The following PCDHGA4 variants were observed in gnomAD, a reference collection of about 807,000 sequenced individuals.
PCDHGA4 encodes protocadherin gamma subfamily A, 4.
A neutral mutation model predicts 54.6 loss-of-function variants in PCDHGA4; 38 were observed. The observed-to-expected ratio is 0.70, with a 90% CI of 0.54 to 0.91. The LOEUF (loss-of-function observed/expected upper bound fraction) is 0.91. Ranked by LOEUF, PCDHGA4 falls within the 40% of genes least tolerant of loss-of-function variation. The pLI is 0.00. For synonymous variants in PCDHGA4, 511 were observed against 512.9 expected, an observed-to-expected ratio of 1.00 and a Z score of 0.05; for missense variants, 1,298 against 1,220.9, an observed-to-expected ratio of 1.06 and a Z score of -0.94.
intron 1 of PCDHGA4, chr5:141,371,175 G>A: frequency 3.1e-6 from 5 of 1,614,004 alleles, no homozygotes; most frequent in Non-Finnish European, 4.2e-6. Flanking sequence ...TGGCTCCTCC[G>A]TATTAAAAGT....
chr5:141,403,661 G>C (rs2094439419), intron 1 of PCDHGA4: 1 of 1,613,904 alleles, frequency 6.2e-7, no homozygotes, highest in Non-Finnish European at 8.5e-7. Context: ...GGATACAAAT[G>C]ATAATGCCCC....
chr5:141,409,953 CCGG>C (rs1418234891), intron 1 of PCDHGA4: 2 of 1,613,280 alleles, frequency 1.2e-6, no homozygotes, highest in Non-Finnish European at 1.7e-6. Flanking sequence ...TCTGCAGAGC[CCGG>C]CTACCTAGTG....
rs1413288410 is a variant in PCDHGA4 at position 141,392,726 on chromosome 5, T to C, written c.2514+35105T>C. On this transcript the variant is annotated intron_variant, in intron 1 of 3. Transcript: ENST00000571252. The stretch of plus-strand genomic sequence containing the variant: ...GGAGGCACTCCAGGTTTCCGGAGGA[T>C]TGTCATCTCCATAGCTGCGGCAAGA... 4.3e-6 allele frequency: 6 copies of C among 1,399,264 alleles called. No individual in the cohort carries two copies. The African/African-American group carries it at 8.7e-5, about 20-fold the overall frequency. 86.7% of individuals were successfully genotyped at this position (1,399,264 alleles called of 1,614,324 possible).
At chr5:141,375,540 A>C in intron 1 of PCDHGA4, 1 of 1,613,910 alleles carries the variant, frequency 6.2e-7, no homozygotes, top group Non-Finnish European at 8.5e-7. Flanking sequence ...CAGAACGCCC[A>C]AGTCTCCTAC....
chr5:141,451,216 A>G (rs1561943760), intron 1 of PCDHGA4, among the ~76,000 whole-genome samples: 1 of 152,204 alleles, frequency 6.6e-6, no homozygotes, highest in Non-Finnish European at 1.5e-5. Context: ...TTAGTGGCTT[A>G]AAAGAAGCAT....
At position 141,356,663 on chromosome 5, in the gene PCDHGA4, C is replaced by G. The variant is rs1181592244; in HGVS notation, c.1556C>G (p.Thr519Ser). The change falls in exon 1 of 4, where the codon ACT becomes AGT. Residue 519 changes from threonine to serine, a missense_variant. Transcript: ENST00000571252. ...GACAGTGGTGACAATGCCCGAATCA[C>G]TTACTCCCTGGCCGAAGACACCTTC... The part of the protein sequence containing the change: ...DPDSGDNARI[T>S]YSLAEDTFQG... 1 of 1,614,054 alleles carries G rather than the reference C, an allele frequency of 6.2e-7. No homozygotes were observed. Among genetic ancestry groups the G allele is most frequent in the Admixed American group, 1.7e-5 (1 of 60,028 alleles).
intron 1 of PCDHGA4, chr5:141,410,815 T>C: frequency 1.8e-6 from 1 of 553,722 alleles, no homozygotes; most frequent in Non-Finnish European, 2.9e-6. Context: ...TTTTGTAAAA[T>C]AATGTCACCA....
intron 1 of PCDHGA4, chr5:141,417,977 G>A (rs752463782): frequency 6.2e-7 from 1 of 1,613,872 alleles, no homozygotes; most frequent in Admixed American, 1.7e-5. Flanking sequence ...GATTCCGGAG[G>A]AGCTGGCCAA....
chr5:141,415,959 C>T, intron 1 of PCDHGA4: 3 of 443,810 alleles, frequency 6.8e-6, no homozygotes, highest in Non-Finnish European at 1.1e-5. Context: ...CATATTGAAA[C>T]TCCAGCCCCT....
intron 1 of PCDHGA4, chr5:141,399,866 C>G (rs1312435366): frequency 1.1e-5 from 17 of 1,612,854 alleles, no homozygotes; most frequent in Non-Finnish European, 1.4e-5. Context: ...GCTGCAGAGC[C>G]CGGCTACCTG....
intron 1 of PCDHGA4, chr5:141,408,518 T>G: frequency 6.2e-7 from 1 of 1,614,012 alleles, no homozygotes; most frequent in Non-Finnish European, 8.5e-7. Flanking sequence ...TGAGTTGCAA[T>G]TGGAAGCTGT....
At chr5:141,403,577 C>T (rs1188693688) in intron 1 of PCDHGA4, 2 of 1,613,812 alleles carry the variant, frequency 1.2e-6, no homozygotes, top group South Asian at 1.1e-5. Context: ...AACTGCCCAC[C>T]ACCTGGTCCT....
intron 1 of PCDHGA4, among the ~76,000 whole-genome samples, chr5:141,436,923 T>C (rs2097854286): frequency 6.6e-6 from 1 of 152,224 alleles, no homozygotes; most frequent in African/African-American, 2.4e-5. Flanking sequence ...GAGTGTTACT[T>C]TTTCTTTGTC....
At chr5:141,505,604 G>T (rs772730114) in intron 3 of PCDHGA4, 123 bp downstream of exon 3, 1 of 1,535,418 alleles carries the variant, frequency 6.5e-7, no homozygotes, top group Non-Finnish European at 8.8e-7. Flanking sequence ...CTTTCGGCAG[G>T]TCTGAAAGGA....
Position 141,357,104 on chromosome 5 carries a change from G to A in PCDHGA4, c.1997G>A (p.Arg666Lys). Residue 666 changes from arginine (R) to lysine (K), a missense_variant, in exon 1 of 4, where the codon AGA (arginine) becomes AAA (lysine). Coordinates refer to ENST00000571252, the MANE Select transcript of PCDHGA4 (RefSeq NM_018917.4). ...EVRTARALLD[R>K]DALKQRLVVV... The stretch of plus-strand genomic sequence containing the variant: ...CGCACCGCACGGGCCCTGCTGGACA[G>A]AGACGCGCTCAAGCAGAGGCTTGTA... The A allele has an allele frequency of 6.2e-7, 1 of 1,613,888 alleles. No homozygotes were observed. Among genetic ancestry groups the A allele is most frequent in the South Asian group, 1.1e-5 (1 of 91,082 alleles).
At chr5:141,418,536 C>G (rs1196331424) in intron 1 of PCDHGA4, 6 of 1,614,026 alleles carry the variant, frequency 3.7e-6, no homozygotes, top group South Asian at 1.1e-5. Flanking sequence ...AGCGGTACTG[C>G]TCAGATAAGA....
At chr5:141,387,936 T>G (rs200817766) in intron 1 of PCDHGA4, 31,224 of 1,475,552 alleles carry the variant, frequency 0.021, 381 homozygotes, top group Non-Finnish European at 0.026. Flanking sequence ...GCCAGTGCTC[T>G]TTCTCTTCCT....
intron 2 of PCDHGA4, among the ~76,000 whole-genome samples, chr5:141,501,802 C>T (rs2099811151): frequency 1.3e-5 from 2 of 152,154 alleles, no homozygotes; most frequent in Non-Finnish European, 2.9e-5. Context: ...ATCTCTTACC[C>T]AGCTTCACAT....
chr5:141,370,583 T>C lies in PCDHGA4; in HGVS notation c.2514+12962T>C, dbSNP rs376045764. 30 of 1,613,706 alleles carry C rather than the reference T, an allele frequency of 1.9e-5. No individual in the cohort carries two copies. In the African/African-American group the frequency reaches 3.6e-4, roughly 19 times the overall value. Reference sequence around the variant, plus strand: ...GGTTTGGCGTGGGGGATTTACCTACTAGGAACCTGCGGGTTATTGCAGAGA... The same window carrying C: ...GGTTTGGCGTGGGGGATTTACCTACCAGGAACCTGCGGGTTATTGCAGAGA... On this transcript the variant is annotated intron_variant, in intron 1 of 3. Coordinates refer to ENST00000571252, the MANE Select transcript of PCDHGA4 (RefSeq NM_018917.4).
Sources: allele counts gnomAD v4.1 joint callset (sites outside exome capture counted in the v4.1 genomes callset), GRCh38; gene constraint gnomAD v4.1.1; transcripts MANE v1.5; gene names NCBI Gene and HGNC (gene_info 2026-07-23, HGNC 2026-07-21).